FGGY: variants seen among roughly 807,000 people sequenced by gnomAD.
The protein encoded by FGGY is FGGY carbohydrate kinase domain containing.
A neutral mutation model predicts 71.3 loss-of-function variants in FGGY; 72 were observed. The ratio of observed to expected loss-of-function variants is 1.01; its 90% confidence interval spans 0.84 to 1.23. The LOEUF is 1.23. Among genes scored for constraint, FGGY ranks in the 50% most tolerant of loss-of-function variants. FGGY has a pLI of 0.00. For missense variants in FGGY, 668 were observed against 682.3 expected, an observed-to-expected ratio of 0.98 and a Z score of 0.23; for synonymous variants, 251 against 250.3, an observed-to-expected ratio of 1.00 and a Z score of -0.02.
At chr1:59,652,165 T>C (rs561232224) in intron 11 of FGGY, among the ~76,000 whole-genome samples, 1 of 152,112 alleles carries the variant, frequency 6.6e-6, no homozygotes, top group East Asian at 1.9e-4. Flanking sequence ...ACCCAACCTT[T>C]CTCTCTGGCT....
chr1:59,480,611 A>AG (rs1280460724), intron 6 of FGGY, among the ~76,000 whole-genome samples: 1 of 152,182 alleles, frequency 6.6e-6, no homozygotes, highest in African/African-American at 2.4e-5. Flanking sequence ...TAAAAAGAAG[A>AG]GGAGGAGGGG....
At chr1:59,700,006 TA>T (rs944741235) in intron 14 of FGGY, among the ~76,000 whole-genome samples, 1 of 152,272 alleles carries the variant, frequency 6.6e-6, no homozygotes, top group African/African-American at 2.4e-5. Context: ...TCAGAGCCCT[TA>T]CATTTTCTCC....
chr1:59,741,474 C>T (rs2098146629), intron 14 of FGGY, among the ~76,000 whole-genome samples: 1 of 152,278 alleles, frequency 6.6e-6, no homozygotes, highest in Admixed American at 6.5e-5. Flanking sequence ...CACTATGCTT[C>T]CTGTATAGCC....
At chr1:59,757,165 C>G (rs2098298836) in intron 14 of FGGY, among the ~76,000 whole-genome samples, 1 of 152,118 alleles carries the variant, frequency 6.6e-6, no homozygotes, top group South Asian at 2.1e-4. Flanking sequence ...CTGGCCAGGT[C>G]TGTTGGACTC....
chr1:59,346,553 T>C (rs114646970), intron 4 of FGGY, among the ~76,000 whole-genome samples, 155 bp downstream of exon 4: 3,720 of 152,272 alleles, frequency 0.024, 174 homozygotes, highest in African/African-American at 0.086. Flanking sequence ...GATTACAGTG[T>C]AGTTAAATCA....
intron 3 of FGGY, among the ~76,000 whole-genome samples, chr1:59,345,585 T>C (rs1408057387): frequency 6.6e-6 from 1 of 152,216 alleles, no homozygotes; most frequent in Admixed American, 6.5e-5. Context: ...TTATCTTTTG[T>C]TTAAAAACTT....
At chr1:59,645,928 C>G (rs1282189953) in intron 11 of FGGY, among the ~76,000 whole-genome samples, 1 of 152,252 alleles carries the variant, frequency 6.6e-6, no homozygotes, top group Non-Finnish European at 1.5e-5. Flanking sequence ...GCTACTCAAA[C>G]TGCTGGAGAG....
intron 14 of FGGY, among the ~76,000 whole-genome samples, chr1:59,689,823 G>A (rs78632051): frequency 0.021 from 3,163 of 152,236 alleles, 58 homozygotes; most frequent in Middle Eastern, 0.044. Flanking sequence ...CTGAAGCAAT[G>A]TCATTGAGAG....
At chr1:59,336,121 T>C (rs2049433183) in intron 2 of FGGY, among the ~76,000 whole-genome samples, 1 of 152,196 alleles carries the variant, frequency 6.6e-6, no homozygotes, top group Non-Finnish European at 1.5e-5. Flanking sequence ...TTTTTAGTCT[T>C]ACATTTAGGG....
intron 13 of FGGY, among the ~76,000 whole-genome samples, chr1:59,671,559 G>C (rs1014664446): frequency 2.0e-5 from 3 of 152,280 alleles, no homozygotes; most frequent in African/African-American, 7.2e-5. Context: ...AGGTGGGATT[G>C]GTCTTAGAGG....
chr1:59,745,617 G>A (rs2098189867), intron 14 of FGGY, among the ~76,000 whole-genome samples: 1 of 152,166 alleles, frequency 6.6e-6, no homozygotes, highest in African/African-American at 2.4e-5. Flanking sequence ...TCCTTCCGAA[G>A]CAGATTTTGT....
chr1:59,513,787 G>T (rs150835264), intron 7 of FGGY, among the ~76,000 whole-genome samples: 5 of 152,108 alleles, frequency 3.3e-5, no homozygotes, highest in Non-Finnish European at 7.3e-5. Context: ...AGGTGAAATG[G>T]CTTTAAACAG....
intron 6 of FGGY, among the ~76,000 whole-genome samples, chr1:59,460,601 C>G (rs942155874): frequency 1.3e-5 from 2 of 152,214 alleles, no homozygotes. Flanking sequence ...ACTGCCTCCT[C>G]AAGTGGGTCC....
At chr1:59,703,364 A>G (rs2097726262) in intron 14 of FGGY, among the ~76,000 whole-genome samples, 1 of 152,148 alleles carries the variant, frequency 6.6e-6, no homozygotes, top group African/African-American at 2.4e-5. Flanking sequence ...ATCCATTGCA[A>G]TACTCATTAT....
chr1:59,352,876 A>G (rs957227225), intron 4 of FGGY, among the ~76,000 whole-genome samples: 2 of 152,200 alleles, frequency 1.3e-5, no homozygotes, highest in African/African-American at 4.8e-5. Context: ...TTCATGAAAG[A>G]TAGACAATAT....
intron 7 of FGGY, among the ~76,000 whole-genome samples, chr1:59,537,648 A>C (rs28876211): frequency 6.6e-6 from 1 of 151,724 alleles, no homozygotes; most frequent in Admixed American, 6.6e-5. Context: ...CCAAAACAGA[A>C]ATATAGATCA....
At chr1:59,653,046 C>T (rs542915013) in intron 11 of FGGY, among the ~76,000 whole-genome samples, 2 of 152,246 alleles carry the variant, frequency 1.3e-5, no homozygotes, top group East Asian at 3.9e-4. Flanking sequence ...CTGGGGGGTG[C>T]CTCCCAGTTA....
chr1:59,669,126 T>C (rs2097352569), intron 13 of FGGY, among the ~76,000 whole-genome samples: 1 of 151,454 alleles, frequency 6.6e-6, no homozygotes, highest in Non-Finnish European at 1.5e-5. Flanking sequence ...AATCCTCCCA[T>C]ACCACCAAAG....
chr1:59,748,092 T>TAA (rs1245213093), intron 14 of FGGY, among the ~76,000 whole-genome samples: 2 of 151,576 alleles, frequency 1.3e-5, no homozygotes, highest in Non-Finnish European at 2.9e-5. Flanking sequence ...GTACCTTGCG[T>TAA]AAAATAGGCA....
Sources: gnomAD v4.1 joint callset for allele counts (sites outside exome capture counted in the v4.1 genomes callset) on GRCh38, gnomAD v4.1.1 for gene constraint, MANE v1.5 for transcripts, NCBI Gene and HGNC (gene_info 2026-07-23, HGNC 2026-07-21) for gene names.